Variants in E2F3 observed in about 807,000 individuals in gnomAD.
E2F3 encodes the protein E2F transcription factor 3.
A neutral mutation model predicts 44.4 loss-of-function variants in E2F3; 11 were observed. The observed-to-expected ratio is 0.25, with a 90% CI of 0.16 to 0.41. The LOEUF (loss-of-function observed/expected upper bound fraction) is 0.41, where lower values mean the gene tolerates loss of function less well. Ranked by LOEUF, E2F3 falls within the 10% of genes least tolerant of loss-of-function variation. The pLI, the probability that E2F3 is intolerant of heterozygous loss-of-function variation, is 1.00. For missense variants in E2F3, 487 were observed against 583.6 expected, an observed-to-expected ratio of 0.83 and a Z score of 1.70; for synonymous variants, 249 against 253.0, an observed-to-expected ratio of 0.98 and a Z score of 0.15.
chr6:20,479,308 G>C (rs1433803536), intron 1 of E2F3, among the ~76,000 whole-genome samples: 2 of 152,114 alleles, frequency 1.3e-5, no homozygotes, highest in Non-Finnish European at 2.9e-5. Flanking sequence ...CCAAGCACTG[G>C]GTATACAAAG....
At chr6:20,483,053 G>A (rs1762282687) in intron 4 of E2F3, 133 bp downstream of exon 4, 6 of 1,327,382 alleles carry the variant, frequency 4.5e-6, no homozygotes, top group Admixed American at 1.9e-5. Context: ...GCCTGTGTGT[G>A]TATGTGTGTG....
intron 1 of E2F3, among the ~76,000 whole-genome samples, chr6:20,460,985 G>A (rs1761483515): frequency 1.0e-5 from 1 of 96,220 alleles, no homozygotes; most frequent in Non-Finnish European, 1.8e-5. Flanking sequence ...GACAGAGCAA[G>A]ACTCTATCTC....
At chr6:20,480,613 A>T (rs1171174782) in intron 2 of E2F3, among the ~76,000 whole-genome samples, 1 of 152,238 alleles carries the variant, frequency 6.6e-6, no homozygotes, top group East Asian at 1.9e-4. Context: ...GGGAACAAGT[A>T]CAATATTAAG....
rs150576432 is a variant in E2F3 at position 20,477,552 on chromosome 6, T to A, written c.394-2294T>A. Among the ~76,000 whole-genome samples, 3 of 152,236 alleles carry A rather than the reference T, an allele frequency of 2.0e-5. No individual in the cohort carries two copies. In the East Asian group the frequency reaches 5.8e-4, roughly 29 times the overall value. ...TGATCTAAAGCCAGGTTTCTCCAAC[T>A]TTAAGGTGTATCAGAATCACCTGGA... On this transcript the variant is annotated intron_variant, in intron 1 of 6. Transcript: ENST00000346618.
chr6:20,412,610 G>C (rs1408821004), intron 1 of E2F3, among the ~76,000 whole-genome samples: 1 of 150,444 alleles, frequency 6.6e-6, no homozygotes, highest in East Asian at 2.0e-4. Context: ...TGGGCGGGGA[G>C]TAGATTGGGG....
At chr6:20,438,412 C>G (rs1760663641) in intron 1 of E2F3, among the ~76,000 whole-genome samples, 2 of 152,284 alleles carry the variant, frequency 1.3e-5, no homozygotes, top group South Asian at 4.1e-4. Context: ...TACAATATCT[C>G]TCTTCAACTG....
Position 20,492,160 on chromosome 6 carries a change from A to AC in E2F3, c.*1730_*1731insC, listed in dbSNP as rs1049328510. The AC allele has an allele frequency of 1.2e-4, 26 of 225,214 alleles. No individual in the cohort carries two copies. The highest frequency in any genetic ancestry group is 8.4e-4 in the East Asian group (13 of 15,540). The allele number at this position is 225,214 out of a possible 1,614,324, so 14.0% of individuals were successfully genotyped here. A position where few individuals can be genotyped will look rare whatever the true frequency, so the allele number is the denominator to read the frequency against. ...AAAATATCCCTTAGGAAAAAAAAAA[A>AC]ACACACAAAAAACCACAAGAGCCCC... On this transcript the variant is annotated 3_prime_UTR_variant, in exon 7 of 7. Transcript: ENST00000346618.
At chr6:20,420,665 A>G (rs971552527) in intron 1 of E2F3, among the ~76,000 whole-genome samples, 7 of 152,194 alleles carry the variant, frequency 4.6e-5, no homozygotes, top group Non-Finnish European at 7.3e-5. Context: ...TAAAAATACT[A>G]TATTGCTACA....
chr6:20,486,398 G>C (rs529090568), intron 4 of E2F3, among the ~76,000 whole-genome samples: 2 of 152,048 alleles, frequency 1.3e-5, no homozygotes, highest in African/African-American at 2.4e-5. Context: ...TCAGCCTCCC[G>C]AGTAGCTGGG....
intron 1 of E2F3, among the ~76,000 whole-genome samples, chr6:20,462,518 C>T (rs867762787): frequency 2.7e-5 from 4 of 150,030 alleles, no homozygotes; most frequent in Admixed American, 6.7e-5. Flanking sequence ...AGTGCAGTGG[C>T]GTGATCTTGG....
At chr6:20,488,045 C>G in intron 5 of E2F3, 68 bp from the exon 6 acceptor site, 1 of 1,590,106 alleles carries the variant, frequency 6.3e-7, no homozygotes, top group Non-Finnish European at 8.6e-7. Context: ...CATTTTTAGA[C>G]AAGAATTACT....
rs563714920 is a variant in E2F3 at position 20,466,122 on chromosome 6, C to T, written c.394-13724C>T. Among the ~76,000 whole-genome samples the T allele has an allele frequency of 6.0e-4, 24 of 40,292 alleles. No homozygotes were observed. The East Asian group carries it at 7.2e-3, about 12-fold the overall frequency. 26.4% of individuals were successfully genotyped at this position (40,292 alleles called of 152,430 possible). A position where few individuals can be genotyped will look rare whatever the true frequency, so the allele number is the denominator to read the frequency against. On this transcript the variant is annotated intron_variant, in intron 1 of 6. Coordinates refer to ENST00000346618, the MANE Select transcript of E2F3 (RefSeq NM_001949.5). ...GCCAACATGTTTTTGGGGTGCGGGG[C>T]GGGGGGTGTGGGCAGAGTCTCGCTC...
At chr6:20,429,966 C>T (rs1420014353) in intron 1 of E2F3, among the ~76,000 whole-genome samples, 7 of 151,990 alleles carry the variant, frequency 4.6e-5, no homozygotes, top group Non-Finnish European at 4.4e-5. Context: ...AATGAGCCAT[C>T]AGTTCTAAAA....
chr6:20,424,720 A>C (rs775460498), intron 1 of E2F3, among the ~76,000 whole-genome samples: 4 of 152,108 alleles, frequency 2.6e-5, no homozygotes, highest in Non-Finnish European at 5.9e-5. Flanking sequence ...CACTTATTAG[A>C]TAGTCTACTG....
intron 1 of E2F3, chr6:20,403,875 G>T: frequency 3.2e-6 from 4 of 1,266,000 alleles, no homozygotes; most frequent in Non-Finnish European, 3.2e-6. Context: ...CGCCGCGGGG[G>T]CACCGGATTC....
At position 20,490,698 on chromosome 6, in the gene E2F3, A is replaced by T; in HGVS notation, c.*268A>T. On this transcript the variant is annotated 3_prime_UTR_variant, in exon 7 of 7. Transcript: ENST00000346618. The surrounding 1 kb of genome is among the most constrained non-coding windows in gnomAD (Gnocchi z 4.3). Reference sequence around the variant, plus strand: ...CTCCTGGCTAAGTCAGCAAGTGAGAAAATGTGCAATCAGGTGTCTCTCACC... The same window carrying T: ...CTCCTGGCTAAGTCAGCAAGTGAGATAATGTGCAATCAGGTGTCTCTCACC... 1 of 304,898 alleles carries T rather than the reference A, an allele frequency of 3.3e-6. No individual in the cohort carries two copies. The highest frequency in any genetic ancestry group is 1.2e-4 in the South Asian group (1 of 8,548). The allele number at this position is 304,898 out of a possible 1,614,324, so 18.9% of individuals were successfully genotyped here.
intron 1 of E2F3, among the ~76,000 whole-genome samples, chr6:20,418,172 C>G (rs2328489): frequency 0.21 from 31,275 of 152,108 alleles, 3,943 homozygotes; most frequent in South Asian, 0.31. Flanking sequence ...TTTCCAAATC[C>G]AGCACTGGGG....
chr6:20,403,593 G>A, intron 1 of E2F3: 1 of 459,100 alleles, frequency 2.2e-6, no homozygotes, highest in South Asian at 3.3e-5. Context: ...GGGGGCGCTG[G>A]AGGGGGAGAG....
intron 1 of E2F3, among the ~76,000 whole-genome samples, chr6:20,468,319 C>A (rs909723294): frequency 6.6e-6 from 1 of 152,206 alleles, no homozygotes; most frequent in Non-Finnish European, 1.5e-5. Flanking sequence ...GGGGTTCCCG[C>A]GGCCCATTCC....
Sources: gnomAD v4.1 joint callset for allele counts (sites outside exome capture counted in the v4.1 genomes callset) on GRCh38, gnomAD v4.1.1 for gene constraint, Gnocchi (gnomAD v3.1) non-coding constraint, MANE v1.5 for transcripts, NCBI Gene and HGNC (gene_info 2026-07-23, HGNC 2026-07-21) for gene names.